FILIP1L: variants seen among roughly 807,000 people sequenced by gnomAD.
FILIP1L encodes the protein filamin A interacting protein 1 like.
FILIP1L carries 55 observed loss-of-function variants against 96.6 expected under a neutral mutation model. The observed-to-expected ratio is 0.57, with a 90% CI of 0.46 to 0.71. The LOEUF is 0.71. Ranked by LOEUF, FILIP1L falls within the 30% of genes least tolerant of loss-of-function variation. The pLI is 0.00. For synonymous variants in FILIP1L, 467 were observed against 473.9 expected (o/e 0.99, Z 0.19); for missense variants, 1,304 against 1,321.2 (o/e 0.99, Z 0.20).
chr3:99,987,171 A>G (rs1709365782), intron 1 of FILIP1L, among the ~76,000 whole-genome samples: 2 of 151,350 alleles, frequency 1.3e-5, no homozygotes, highest in Middle Eastern at 3.5e-3. Context: ...TTGAGGCTTC[A>G]GTGAGCCAAG....
chr3:99,887,777 C>G (rs1705955858), intron 4 of FILIP1L, among the ~76,000 whole-genome samples: 1 of 152,176 alleles, frequency 6.6e-6, no homozygotes, highest in African/African-American at 2.4e-5. Context: ...TTCTGTCACC[C>G]AGGCTGGAGT....
chr3:100,006,029 G>A (rs10511177), intron 1 of FILIP1L, among the ~76,000 whole-genome samples: 32,039 of 152,084 alleles, frequency 0.21, 3,503 homozygotes, highest in South Asian at 0.26. Flanking sequence ...TAGGAAGTGG[G>A]ATAGAAGTTT....
intron 1 of FILIP1L, among the ~76,000 whole-genome samples, chr3:100,056,047 A>G (rs919023450): frequency 6.6e-6 from 1 of 152,214 alleles, no homozygotes; most frequent in Non-Finnish European, 1.5e-5. Flanking sequence ...GTAAAAGAAG[A>G]TTCATATTTG....
Position 99,903,344 on chromosome 3 carries a change from C to G in FILIP1L, c.605+20886G>C, listed in dbSNP as rs566810809. Among the ~76,000 whole-genome samples, 17 of 152,008 alleles carry G rather than the reference C, an allele frequency of 1.1e-4. No individual in the cohort carries two copies. The East Asian group carries it at 3.3e-3, about 29-fold the overall frequency. On this transcript the variant is annotated intron_variant, in intron 4 of 5. Coordinates refer to ENST00000477258, the MANE Select transcript of FILIP1L (RefSeq NM_001387850.1). ...TCAGCTCACTGCAACCTCCGCCTCCCGGGTTCAAGCAATTCTCCTGCCTCA... is the reference window on the plus strand; with the variant it reads ...TCAGCTCACTGCAACCTCCGCCTCCGGGGTTCAAGCAATTCTCCTGCCTCA...
chr3:99,866,034 C>G (rs1395256603), intron 4 of FILIP1L, among the ~76,000 whole-genome samples: 3 of 151,978 alleles, frequency 2.0e-5, no homozygotes, highest in African/African-American at 7.3e-5. Flanking sequence ...TAATATGATT[C>G]CTTCTCTTAA....
intron 1 of FILIP1L, among the ~76,000 whole-genome samples, chr3:99,983,460 GTGTGTATATATATA>G (rs1709215605): frequency 1.4e-5 from 1 of 69,492 alleles, no homozygotes; most frequent in African/African-American, 1.0e-4. Flanking sequence ...ATATATATAT[GTGTGTATATATATA>G]TATATATATA....
intron 1 of FILIP1L, among the ~76,000 whole-genome samples, chr3:100,067,431 G>T (rs2065685673): frequency 6.6e-6 from 1 of 152,124 alleles, no homozygotes; most frequent in Non-Finnish European, 1.5e-5. Flanking sequence ...AATGTCTGTT[G>T]AATCCCTGGC....
At chr3:99,919,418 C>T (rs1425426857) in intron 4 of FILIP1L, among the ~76,000 whole-genome samples, 1 of 148,240 alleles carries the variant, frequency 6.7e-6, no homozygotes, top group African/African-American at 2.5e-5. Flanking sequence ...CGCCCAGTAT[C>T]TAGTATGGGA....
In FILIP1L at chr3:99,924,271, C is replaced by T; in HGVS notation, c.564G>A (p.Lys188=). The T allele has an allele frequency of 6.2e-7, 1 of 1,614,110 alleles. No homozygotes were observed. Among genetic ancestry groups the T allele is most frequent in the African/African-American group, 1.3e-5 (1 of 75,058 alleles). Residue 188 remains lysine (K), a synonymous_variant, in exon 4 of 6, where the codon AAG becomes AAA. Coordinates refer to ENST00000477258, the MANE Select transcript of FILIP1L (RefSeq NM_001387850.1). The stretch of plus-strand genomic sequence containing the variant: ...CTAGTAGGCATATGAATTCATCACT[C>T]TTCTCCATGTATTCTTTATGTTTTC... The part of the protein sequence containing the change: ...EKRKHKEYME[K]SDEFICLLEQ...
At position 99,830,594 on chromosome 3, in the gene FILIP1L, T is replaced by A. The variant is rs902380234; in HGVS notation, c.3393A>T (p.Val1131=). ...PRQSQITIKE[V]CKQRIPARIP... ...TCCGTGCTGGGATTCTCTGCTTGCA[T>A]ACCTCCTTGATCTTGAATTAAACAA... is the stretch of plus-strand genomic sequence containing the variant. Residue 1131 remains valine, a synonymous_variant, in exon 6 of 6, where the codon GTA becomes GTT. Coordinates refer to ENST00000477258, the MANE Select transcript of FILIP1L (RefSeq NM_001387850.1). 2.2e-6 allele frequency: 1 copy of A among 456,648 alleles called. No individual in the cohort carries two copies. Among genetic ancestry groups the A allele is most frequent in the Admixed American group, 2.3e-5 (1 of 42,580 alleles). The allele number at this position is 456,648 out of a possible 1,614,324, so 28.3% of individuals were successfully genotyped here.
At chr3:99,991,698 T>C (rs1252407641) in intron 1 of FILIP1L, among the ~76,000 whole-genome samples, 2 of 151,968 alleles carry the variant, frequency 1.3e-5, no homozygotes, top group African/African-American at 4.8e-5. Flanking sequence ...GGTGAGAACA[T>C]GCTGTATTTG....
At chr3:99,870,706 T>C (rs528850071) in intron 4 of FILIP1L, among the ~76,000 whole-genome samples, 91 of 152,334 alleles carry the variant, frequency 6.0e-4, no homozygotes, top group African/African-American at 1.6e-3. Flanking sequence ...CAGGTTGACA[T>C]TGGAGTAACT....
intron 1 of FILIP1L, among the ~76,000 whole-genome samples, chr3:100,101,568 G>A (rs1309651952): frequency 6.6e-6 from 1 of 152,048 alleles, no homozygotes; most frequent in Non-Finnish European, 1.5e-5. Context: ...AGTAACACAT[G>A]CACTCTCTGA....
intron 4 of FILIP1L, among the ~76,000 whole-genome samples, chr3:99,911,452 G>T (rs1288637335): frequency 6.6e-6 from 1 of 151,846 alleles, no homozygotes; most frequent in Non-Finnish European, 1.5e-5. Flanking sequence ...ACTTGCCAGT[G>T]GTGGGTTGAG....
At chr3:99,929,460 A>G (rs1203669534) in intron 3 of FILIP1L, among the ~76,000 whole-genome samples, 1 of 152,034 alleles carries the variant, frequency 6.6e-6, no homozygotes, top group East Asian at 1.9e-4. Flanking sequence ...ATTAACCTCT[A>G]TGGTTGAACT....
At chr3:99,985,958 C>G (rs1412405680) in intron 1 of FILIP1L, among the ~76,000 whole-genome samples, 1 of 152,108 alleles carries the variant, frequency 6.6e-6, no homozygotes, top group African/African-American at 2.4e-5. Context: ...TCAGTATGAC[C>G]ACAGAACACA....
intron 4 of FILIP1L, among the ~76,000 whole-genome samples, chr3:99,894,239 TCTTTCAGTG>T (rs1381522515): frequency 6.6e-6 from 1 of 152,144 alleles, no homozygotes; most frequent in African/African-American, 2.4e-5. Context: ...AATAAAATAC[TCTTTCAGTG>T]CTAAGGGAGA....
At chr3:99,959,372 A>G (rs1417889098) in intron 1 of FILIP1L, among the ~76,000 whole-genome samples, 1 of 151,986 alleles carries the variant, frequency 6.6e-6, no homozygotes, top group Non-Finnish European at 1.5e-5. Flanking sequence ...CTGGTCTCGA[A>G]CTCCTGTCCT....
rs764887333 is a variant in FILIP1L at position 99,850,534 on chromosome 3, T to C, written c.1142A>G (p.Asp381Gly). The change falls in exon 5 of 6, where the codon GAT becomes GGT. Residue 381 changes from aspartate to glycine, a missense_variant. Coordinates refer to ENST00000477258, the MANE Select transcript of FILIP1L (RefSeq NM_001387850.1). ...EVEELRKRVL[D>G]MEGKDEELIK... is the part of the protein sequence containing the mutation. Reference sequence around the variant, plus strand: ...GAGCTCTTCATCTTTCCCTTCCATATCTAGCACACGTTTCCTGAGCTCTTC... The same window carrying C: ...GAGCTCTTCATCTTTCCCTTCCATACCTAGCACACGTTTCCTGAGCTCTTC... 6 of 1,613,662 alleles carry C rather than the reference T, an allele frequency of 3.7e-6. No individual in the cohort carries two copies. The Admixed American group carries it at 1.0e-4, about 27-fold the overall frequency.
Sources: allele counts gnomAD v4.1 joint callset (sites outside exome capture counted in the v4.1 genomes callset), GRCh38; gene constraint gnomAD v4.1.1; transcripts MANE v1.5; gene names NCBI Gene and HGNC (gene_info 2026-07-23, HGNC 2026-07-21).